THSD4: variants seen among roughly 807,000 people sequenced by gnomAD.
THSD4 encodes thrombospondin type 1 domain containing 4.
In THSD4, 69 loss-of-function variants were observed where a neutral mutation model predicts 119.0. The observed-to-expected ratio is 0.58, with a 90% confidence interval of 0.48 to 0.71. The LOEUF (loss-of-function observed/expected upper bound fraction) is 0.71, where lower values mean the gene tolerates loss of function less well. Ranked by LOEUF, THSD4 falls within the 30% of genes least tolerant of loss-of-function variation. The pLI, the probability that THSD4 is intolerant of heterozygous loss-of-function variation, is 0.00. For missense variants in THSD4, 1,393 were observed against 1,391.1 expected (o/e 1.00, Z -0.02); for synonymous variants, 524 against 540.4 (o/e 0.97, Z 0.42).
chr15:71,204,132 C>T (rs1037768681), intron 3 of THSD4, among the ~76,000 whole-genome samples: 1 of 152,204 alleles, frequency 6.6e-6, no homozygotes, highest in Non-Finnish European at 1.5e-5. Context: ...GCTTCTGTTT[C>T]CTGAGTAACT....
chr15:71,374,468 ATAAGAAGGGGATGTGG>A (rs1371736199), intron 6 of THSD4, among the ~76,000 whole-genome samples: 1 of 152,188 alleles, frequency 6.6e-6, no homozygotes, highest in African/African-American at 2.4e-5. Flanking sequence ...ATTGGATGCA[ATAAGAAGGGGATGTGG>A]TAAGAAAATG....
chr15:71,432,479 TA>T (rs2046955528), intron 7 of THSD4, among the ~76,000 whole-genome samples: 1 of 150,970 alleles, frequency 6.6e-6, no homozygotes, highest in Admixed American at 6.6e-5. Flanking sequence ...AAAGACACAG[TA>T]AAAACAGCAT....
intron 7 of THSD4, among the ~76,000 whole-genome samples, chr15:71,491,966 T>C (rs1228306852): frequency 6.6e-6 from 1 of 152,238 alleles, no homozygotes; most frequent in Non-Finnish European, 1.5e-5. Flanking sequence ...TAAGACAGTA[T>C]CTTATTTTTG....
chr15:71,467,915 C>G (rs1198043841), intron 7 of THSD4, among the ~76,000 whole-genome samples: 7 of 149,722 alleles, frequency 4.7e-5, no homozygotes, highest in Non-Finnish European at 8.9e-5. Flanking sequence ...GTGGCATGAT[C>G]TCGGCTCACT....
chr15:71,157,135 G>A (rs896633230), intron 3 of THSD4, among the ~76,000 whole-genome samples: 3 of 152,074 alleles, frequency 2.0e-5, no homozygotes, highest in South Asian at 2.1e-4. Context: ...CTATCATAAC[G>A]GAAAATACTT....
chr15:71,731,725 A>G (rs1293408776), intron 10 of THSD4: 2 of 166,592 alleles, frequency 1.2e-5, no homozygotes, highest in Admixed American at 1.1e-4. Flanking sequence ...TTGGGGCTGC[A>G]GTGAGCCGTG....
intron 6 of THSD4, among the ~76,000 whole-genome samples, chr15:71,271,326 T>C (rs11636224): frequency 0.37 from 56,692 of 152,080 alleles, 11,205 homozygotes; most frequent in Middle Eastern, 0.56. Flanking sequence ...TGTAAAATCC[T>C]GGATGAATCT....
At position 71,614,360 on chromosome 15, in the gene THSD4, CAG is replaced by C. The variant is rs556868162; in HGVS notation, c.1153-46167_1153-46166del. On this transcript the variant is annotated intron_variant, in intron 7 of 17. Coordinates refer to ENST00000261862, the MANE Select transcript of THSD4 (RefSeq NM_024817.3). Reference sequence around the variant, plus strand: ...TCATTTTCGCCTGCTTTTTCCACCTCAGAGCCTTCTGGAGAATTCTAGTCTCC... The same window carrying C: ...TCATTTTCGCCTGCTTTTTCCACCTCAGCCTTCTGGAGAATTCTAGTCTCC... Among the ~76,000 whole-genome samples the C allele has an allele frequency of 1.6e-4, 25 of 152,320 alleles. No individual in the cohort carries two copies. In the South Asian group the frequency reaches 5.2e-3, roughly 32 times the overall value.
intron 7 of THSD4, among the ~76,000 whole-genome samples, chr15:71,534,285 A>T (rs932532800): frequency 4.6e-5 from 7 of 152,224 alleles, no homozygotes; most frequent in Admixed American, 1.3e-4. Flanking sequence ...ATTCATTTGC[A>T]GTCTCAACCC....
intron 6 of THSD4, among the ~76,000 whole-genome samples, chr15:71,332,892 A>ATTTTTTTTTATTTTTTTTTT (rs768019235): frequency 1.3e-5 from 1 of 76,940 alleles, no homozygotes; most frequent in African/African-American, 4.0e-5. Flanking sequence ...ATTTTTTTAC[A>ATTTTTTTTTATTTTTTTTTT]TTTTTTTTTT....
At chr15:71,616,499 A>C (rs2050320991) in intron 7 of THSD4, among the ~76,000 whole-genome samples, 1 of 152,218 alleles carries the variant, frequency 6.6e-6, no homozygotes, top group African/African-American at 2.4e-5. Context: ...AGATGGCATG[A>C]TTTAACCTGA....
chr15:71,538,805 G>A (rs2048720708), intron 7 of THSD4, among the ~76,000 whole-genome samples: 1 of 152,230 alleles, frequency 6.6e-6, no homozygotes, highest in Admixed American at 6.5e-5. Context: ...CATGAGAATG[G>A]TTCCAATGCA....
chr15:71,344,234 G>A (rs1345615833), intron 6 of THSD4, among the ~76,000 whole-genome samples: 4 of 151,878 alleles, frequency 2.6e-5, no homozygotes, highest in East Asian at 1.9e-4. Context: ...TAATAGAGAC[G>A]GGGTTTCACC....
Position 71,242,762 on chromosome 15 carries a change from A to C in THSD4, c.578A>C (p.Lys193Thr). 1.9e-6 allele frequency: 3 copies of C among 1,614,176 alleles called. No homozygotes were observed. Among genetic ancestry groups the C allele is most frequent in the Non-Finnish European group, 2.5e-6 (3 of 1,180,030 alleles). The change falls in exon 5 of 18, where the codon AAG becomes ACG. Residue 193 changes from lysine (K) to threonine (T), a missense_variant. Lys to Thr is a moderately conservative substitution (Grantham distance 78). Coordinates refer to ENST00000261862, the MANE Select transcript of THSD4 (RefSeq NM_024817.3). ...AHTPQRLRRQ[K>T]LSSRHSRSQG... ...ACGCCACAGAGGCTCCGGAGACAGA[A>C]GCTCTCATCCCGCCATTCCAGGTCC...
chr15:71,746,661 C>T (rs759706037), intron 12 of THSD4, among the ~76,000 whole-genome samples, 177 bp from the exon 13 acceptor site: 14 of 152,242 alleles, frequency 9.2e-5, no homozygotes, highest in Non-Finnish European at 1.5e-4. Flanking sequence ...TCCCAAAGTG[C>T]TGGGATTACA....
chr15:71,620,108 G>C (rs1423689609), intron 7 of THSD4, among the ~76,000 whole-genome samples: 3 of 152,138 alleles, frequency 2.0e-5, no homozygotes, highest in Non-Finnish European at 4.4e-5. Flanking sequence ...AAACAGCCCA[G>C]CATTTGAAGC....
intron 3 of THSD4, among the ~76,000 whole-genome samples, chr15:71,200,218 C>T (rs1053453376): frequency 6.6e-6 from 1 of 152,044 alleles, no homozygotes; most frequent in Admixed American, 6.5e-5. Context: ...TGTTGTTCAC[C>T]GAGTCATTGT....
intron 6 of THSD4, among the ~76,000 whole-genome samples, chr15:71,273,134 A>G (rs1184990947): frequency 2.0e-5 from 3 of 152,334 alleles, no homozygotes; most frequent in African/African-American, 7.2e-5. Context: ...AAGATATGGA[A>G]ACAACCTAAG....
intron 6 of THSD4, among the ~76,000 whole-genome samples, chr15:71,293,004 T>C (rs1268145036): frequency 6.6e-6 from 1 of 152,196 alleles, no homozygotes; most frequent in Non-Finnish European, 1.5e-5. Flanking sequence ...GAAGTTCTTT[T>C]TATTTTCCCT....
Sources: gnomAD v4.1 joint callset for allele counts (sites outside exome capture counted in the v4.1 genomes callset) on GRCh38, gnomAD v4.1.1 for gene constraint, MANE v1.5 for transcripts, NCBI Gene and HGNC (gene_info 2026-07-23, HGNC 2026-07-21) for gene names.